Variants in MARCHF1 observed in about 807,000 individuals in gnomAD.
MARCHF1 encodes the protein membrane associated ring-CH-type finger 1, also known as E3 ubiquitin-protein ligase MARCHF1.
MARCHF1 carries 40 observed loss-of-function variants against 54.2 expected under a neutral mutation model. The observed-to-expected ratio is 0.74, with a 90% CI of 0.57 to 0.96. The LOEUF (loss-of-function observed/expected upper bound fraction) is 0.96. Ranked by LOEUF, MARCHF1 falls within the 40% of genes least tolerant of loss-of-function variation. The pLI, the probability that MARCHF1 is intolerant of heterozygous loss-of-function variation, is 0.00. For missense variants in MARCHF1, 586 were observed against 656.5 expected, an observed-to-expected ratio of 0.89 and a Z score of 1.17; for synonymous variants, 236 against 236.3, an observed-to-expected ratio of 1.00 and a Z score of 0.01.
chr4:163,672,113 T>G (rs1297086753), intron 5 of MARCHF1, among the ~76,000 whole-genome samples: 1 of 152,218 alleles, frequency 6.6e-6, no homozygotes, highest in Non-Finnish European at 1.5e-5. Context: ...TGTGTCACAC[T>G]AACCATGTGA....
chr4:163,793,683 C>A lies in MARCHF1; in HGVS notation c.111+60338G>T, dbSNP rs373455890. 1.3e-4 allele frequency among the ~76,000 whole-genome samples: 20 copies of A among 152,270 alleles called. 1 individual carries two copies. Among genetic ancestry groups the A allele is most frequent in the African/African-American group, 4.8e-4 (20 of 41,550 alleles). On this transcript the variant is annotated intron_variant, in intron 4 of 9. Transcript: ENST00000514618. ...CCTGGGCCTGGTAGTTAAAGATTGA[C>A]CCCTGACCTAATCAGTTATGTTATC...
intron 8 of MARCHF1, among the ~76,000 whole-genome samples, chr4:163,573,581 T>C (rs903312283): frequency 2.0e-5 from 3 of 151,178 alleles, no homozygotes; most frequent in African/African-American, 4.9e-5. Flanking sequence ...TTTGTTCTTG[T>C]GATAGTTTAC....
At chr4:164,115,916 A>C (rs1202346341) in intron 1 of MARCHF1, among the ~76,000 whole-genome samples, 1 of 152,060 alleles carries the variant, frequency 6.6e-6, no homozygotes, top group Non-Finnish European at 1.5e-5. Context: ...AAGGTACATA[A>C]AAGACAATTC....
At chr4:163,825,717 T>C (rs946944997) in intron 4 of MARCHF1, among the ~76,000 whole-genome samples, 1 of 152,058 alleles carries the variant, frequency 6.6e-6, no homozygotes, top group Non-Finnish European at 1.5e-5. Context: ...TTTTTTAATA[T>C]AATGTTGGCT....
intron 3 of MARCHF1, among the ~76,000 whole-genome samples, chr4:163,897,213 C>G (rs560868754): frequency 5.9e-5 from 9 of 152,296 alleles, no homozygotes; most frequent in Middle Eastern, 3.4e-3. Context: ...CTTTTCATAA[C>G]TTTTCAGCTT....
intron 3 of MARCHF1, among the ~76,000 whole-genome samples, chr4:163,919,167 G>T (rs183720744): frequency 5.3e-5 from 8 of 152,152 alleles, no homozygotes; most frequent in African/African-American, 1.7e-4. Flanking sequence ...GTTATTATGA[G>T]TTGAATTTTA....
chr4:164,034,045 C>A (rs1753938786), intron 2 of MARCHF1, among the ~76,000 whole-genome samples: 1 of 146,330 alleles, frequency 6.8e-6, no homozygotes, highest in South Asian at 2.1e-4. Context: ...CAATGATAGA[C>A]TGGATAAAGA....
chr4:164,334,613 T>C (rs114361632), intron 1 of MARCHF1, among the ~76,000 whole-genome samples: 8,462 of 152,264 alleles, frequency 0.056, 342 homozygotes, highest in Non-Finnish European at 0.086. Context: ...AGGAGATTGA[T>C]GTTGTTTTCA....
chr4:164,047,243 AC>A (rs1343004183), intron 2 of MARCHF1, among the ~76,000 whole-genome samples: 14 of 56,718 alleles, frequency 2.5e-4, no homozygotes, highest in African/African-American at 1.8e-3. Flanking sequence ...GAAAAAAGGC[AC>A]TTCAAGAAAA....
At chr4:164,067,944 T>C (rs1020820683) in intron 2 of MARCHF1, among the ~76,000 whole-genome samples, 2 of 152,000 alleles carry the variant, frequency 1.3e-5, no homozygotes, top group South Asian at 2.1e-4. Context: ...AGAAGACATA[T>C]GAGCAGCCTA....
intron 1 of MARCHF1, among the ~76,000 whole-genome samples, chr4:164,294,725 A>G (rs953516044): frequency 5.9e-5 from 9 of 152,200 alleles, no homozygotes; most frequent in Non-Finnish European, 1.3e-4. Context: ...GCACTGTCTT[A>G]GAAACTGTGA....
intron 8 of MARCHF1, among the ~76,000 whole-genome samples, chr4:163,547,753 T>C (rs932735971): frequency 1.3e-5 from 2 of 152,266 alleles, no homozygotes; most frequent in African/African-American, 4.8e-5. Context: ...ACTTCAAGTA[T>C]GACCTTGATG....
chr4:164,054,821 T>C (rs969884661), intron 2 of MARCHF1, among the ~76,000 whole-genome samples: 1 of 148,922 alleles, frequency 6.7e-6, no homozygotes, highest in African/African-American at 2.5e-5. Flanking sequence ...GAGATATACC[T>C]AATGCTAGAT....
intron 2 of MARCHF1, among the ~76,000 whole-genome samples, chr4:164,059,717 A>T (rs879625401): frequency 3.9e-5 from 6 of 152,170 alleles, no homozygotes; most frequent in Admixed American, 1.3e-4. Context: ...GTATTTTTTT[A>T]AAATTCTTAT....
chr4:164,377,278 G>A (rs1278854658), intron 1 of MARCHF1, among the ~76,000 whole-genome samples: 2 of 151,950 alleles, frequency 1.3e-5, no homozygotes, highest in African/African-American at 4.8e-5. Context: ...TCTACTTCAG[G>A]TATAACCTGA....
chr4:163,549,182 T>C (rs1739014000), intron 8 of MARCHF1, among the ~76,000 whole-genome samples: 1 of 152,258 alleles, frequency 6.6e-6, no homozygotes, highest in Non-Finnish European at 1.5e-5. Context: ...CTGGCTAATT[T>C]TTTGTAAATT....
In MARCHF1 at chr4:163,989,293, G is replaced by C. The variant is rs1034990120; in HGVS notation, c.-247-584C>G. Among the ~76,000 whole-genome samples, 6 of 143,462 alleles carry C rather than the reference G, an allele frequency of 4.2e-5. No individual in the cohort carries two copies. The East Asian group carries it at 5.8e-4, about 14-fold the overall frequency. The allele number at this position is 143,462 out of a possible 152,430, so 94.1% of individuals were successfully genotyped here. A position where few individuals can be genotyped will look rare whatever the true frequency, so the allele number is the denominator to read the frequency against. On this transcript the variant is annotated intron_variant, in intron 2 of 9. Coordinates refer to ENST00000514618, the MANE Select transcript of MARCHF1 (RefSeq NM_001394959.1). ...TGAGATCGAATGAGGTGTTGAGAGA[G>C]AGAGAGAGAGAGAGAGAGAGAAAAG...
At chr4:163,553,654 C>T (rs1286394463) in intron 8 of MARCHF1, among the ~76,000 whole-genome samples, 2 of 152,212 alleles carry the variant, frequency 1.3e-5, no homozygotes, top group East Asian at 3.8e-4. Context: ...AGTAACTTCT[C>T]ATTCTTGTTG....
chr4:164,190,221 G>A (rs953939913), intron 1 of MARCHF1: 57 of 1,443,888 alleles, frequency 3.9e-5, no homozygotes, highest in Non-Finnish European at 5.0e-5. Context: ...TGAAGACTTC[G>A]AAGCTAACAA....
Sources: allele counts gnomAD v4.1 joint callset (sites outside exome capture counted in the v4.1 genomes callset), GRCh38; gene constraint gnomAD v4.1.1; transcripts MANE v1.5; gene names NCBI Gene and HGNC (gene_info 2026-07-23, HGNC 2026-07-21).